Variants in SYNE2 observed in about 807,000 individuals in gnomAD.
The protein encoded by SYNE2 is nesprin-2.
A neutral mutation model predicts 856.3 loss-of-function variants in SYNE2; 431 were observed. The ratio of observed to expected loss-of-function variants is 0.50; its 90% confidence interval spans 0.47 to 0.55. The LOEUF (loss-of-function observed/expected upper bound fraction) is 0.55. SYNE2 is among the 20% of genes least tolerant of loss of function. The pLI is 0.00. For missense variants in SYNE2, 8,129 were observed against 8,023.2 expected, an observed-to-expected ratio of 1.01 and a Z score of -0.50; for synonymous variants, 2,923 against 2,872.3, an observed-to-expected ratio of 1.02 and a Z score of -0.56.
At chr14:64,076,773 C>A (rs2097463796) in intron 54 of SYNE2, among the ~76,000 whole-genome samples, 1 of 136,186 alleles carries the variant, frequency 7.3e-6, no homozygotes. Context: ...AGAATACTTA[C>A]AACTTGATAA....
At chr14:63,800,238 T>C (rs1290457604) in intron 1 of SYNE2, among the ~76,000 whole-genome samples, 1 of 152,088 alleles carries the variant, frequency 6.6e-6, no homozygotes, top group East Asian at 1.9e-4. Context: ...TTGGTTTTTT[T>C]TTTGAGACGG....
chr14:64,065,299 A>G, intron 50 of SYNE2, 133 bp from the exon 51 acceptor site: 1 of 785,270 alleles, frequency 1.3e-6, no homozygotes, highest in Non-Finnish European at 2.1e-6. Context: ...GACTTCTAAA[A>G]GGATAAGAGG....
intron 6 of SYNE2, among the ~76,000 whole-genome samples, chr14:63,942,994 T>C (rs2153419530): frequency 6.6e-6 from 1 of 152,328 alleles, no homozygotes; most frequent in Non-Finnish European, 1.5e-5. Flanking sequence ...TTATCCATAA[T>C]ATCAGCACCA....
intron 1 of SYNE2, among the ~76,000 whole-genome samples, chr14:63,800,089 C>CAAAAA (rs1888074509): frequency 6.6e-6 from 1 of 152,140 alleles, no homozygotes; most frequent in Non-Finnish European, 1.5e-5. Flanking sequence ...TTCCTGTTAG[C>CAAAAA]CTGTTCATTT....
chr14:63,970,746 G>A (rs1444396214), intron 11 of SYNE2, among the ~76,000 whole-genome samples: 7 of 145,278 alleles, frequency 4.8e-5, no homozygotes, highest in African/African-American at 1.3e-4. Context: ...CTCTGCCTCC[G>A]GGTTCGAGCG....
chr14:63,982,673 C>A lies in SYNE2; in HGVS notation c.1880C>A (p.Thr627Asn), dbSNP rs1242937781. ...GCCCAGTGGAATCTAGAACACGCTA[C>A]TTTAAATGAAGCAGGAAATTTCTTA... is the stretch of plus-strand genomic sequence containing the variant. ...TLAQWNLEHA[T>N]LNEAGNFLVE... is the part of the protein sequence containing the mutation. The change falls in exon 17 of 116, where the codon ACT (threonine) becomes AAT (asparagine). Residue 627 changes from threonine to asparagine, a missense_variant. Physicochemically the swap from Thr to Asn is moderately conservative, Grantham distance 65. This residue lies in a region of SYNE2 where 2,422 missense variants were observed against 2,357.4 expected (regional missense o/e 1.03). Coordinates refer to ENST00000555002, the MANE Select transcript of SYNE2 (RefSeq NM_182914.3). 4.3e-6 allele frequency: 7 copies of A among 1,613,948 alleles called. No individual in the cohort carries two copies. The highest frequency in any genetic ancestry group is 5.9e-6 in the Non-Finnish European group (7 of 1,180,004).
chr14:64,193,684 A>C (rs937397606), intron 99 of SYNE2, among the ~76,000 whole-genome samples: 1 of 152,218 alleles, frequency 6.6e-6, no homozygotes, highest in African/African-American at 2.4e-5. Context: ...GTTTTAATTC[A>C]CTGGAGGAAA....
intron 7 of SYNE2, 85 bp from the exon 8 acceptor site, chr14:63,954,634 A>C: frequency 7.7e-7 from 1 of 1,304,764 alleles, no homozygotes; most frequent in Non-Finnish European, 1.1e-6. Context: ...TGATTTGCCA[A>C]ATTTTAATTA....
At chr14:63,950,151 C>A in intron 7 of SYNE2, 145 bp downstream of exon 7, 2 of 986,484 alleles carry the variant, frequency 2.0e-6, no homozygotes, top group East Asian at 2.5e-5. Flanking sequence ...CGTGGAAGCC[C>A]AAGAGCTCAG....
chr14:63,913,837 T>TTTTTTAAATTTAATTTAATTTTAAG (rs2095503561), intron 2 of SYNE2, among the ~76,000 whole-genome samples: 1 of 145,722 alleles, frequency 6.9e-6, no homozygotes, highest in Non-Finnish European at 1.5e-5. Flanking sequence ...CTGTTTAAAA[T>TTTTTTAAATTTAATTTAATTTTAAG]TTTTTAAATT....
rs534146698 is a variant in SYNE2, at chr14:63,864,074, A to G, written c.-52+10931A>G. Among the ~76,000 whole-genome samples, 53 of 152,294 alleles carry G rather than the reference A, an allele frequency of 3.5e-4. 1 individual carries two copies. The South Asian group carries it at 5.0e-3, about 14-fold the overall frequency. ...GTGATCCACCCGCCTCAGCCTCCCA[A>G]AGTGCTGGGATTACAGGTGTGAGCC... On this transcript the variant is annotated intron_variant, in intron 1 of 115. Transcript: ENST00000555002.
chr14:63,797,078 CAAAAA>C (rs372872575), intron 1 of SYNE2, among the ~76,000 whole-genome samples: 4 of 70,364 alleles, frequency 5.7e-5, no homozygotes, highest in East Asian at 4.8e-4. Flanking sequence ...GACTTCATCT[CAAAAA>C]AAAAAAAAAA....
At chr14:64,219,096 GTT>G (rs1214967482) in intron 109 of SYNE2, 110 bp from the exon 110 acceptor site, 7 of 758,744 alleles carry the variant, frequency 9.2e-6, no homozygotes, top group East Asian at 7.6e-5. Context: ...ATCCCCTACA[GTT>G]TTTTTGTTTT....
In SYNE2 at chr14:63,941,947, C is replaced by T; in HGVS notation, c.300C>T (p.Phe100=). ...TCAATATAGAACATGCCTTGACATTCCTAAGAAACCGATCAGTAAGTATAA... is the reference window on the plus strand; with the variant it reads ...TCAATATAGAACATGCCTTGACATTTCTAAGAAACCGATCAGTAAGTATAA... ...CRINIEHALT[F]LRNRSIKLIN... The change falls in exon 5 of 116, where the codon TTC becomes TTT. Residue 100 remains phenylalanine, a synonymous_variant. Transcript: ENST00000555002. 1 of 1,612,642 alleles carries T rather than the reference C, an allele frequency of 6.2e-7. No individual in the cohort carries two copies. Among genetic ancestry groups the T allele is most frequent in the Non-Finnish European group, 8.5e-7 (1 of 1,179,554 alleles).
chr14:63,868,694 A>G (rs1417951459), intron 1 of SYNE2, among the ~76,000 whole-genome samples: 2 of 152,026 alleles, frequency 1.3e-5, no homozygotes, highest in Non-Finnish European at 2.9e-5. Context: ...TGAAAGTAAT[A>G]TGGGGAAGGG....
chr14:63,916,047 G>A (rs1010260538), intron 2 of SYNE2, among the ~76,000 whole-genome samples: 3 of 150,390 alleles, frequency 2.0e-5, no homozygotes, highest in African/African-American at 2.5e-5. Flanking sequence ...CCTTCAAGAA[G>A]CATGTAGTCT....
At chr14:64,223,934 C>G (rs1205715387) in intron 113 of SYNE2, among the ~76,000 whole-genome samples, 1 of 152,170 alleles carries the variant, frequency 6.6e-6, no homozygotes, top group Non-Finnish European at 1.5e-5. Flanking sequence ...CTCAGTCTCC[C>G]CAGCTCTGTG....
chr14:63,956,980 C>A (rs1393759901), intron 8 of SYNE2, among the ~76,000 whole-genome samples: 2 of 152,166 alleles, frequency 1.3e-5, no homozygotes, highest in South Asian at 2.1e-4. Context: ...CCCCTAACCC[C>A]CCCATGCCCC....
Position 64,087,799 on chromosome 14 carries a change from A to T in SYNE2, c.11613A>T (p.Val3871=). 6.2e-7 allele frequency: 1 copy of T among 1,613,956 alleles called. No individual in the cohort carries two copies. The highest frequency in any genetic ancestry group is 8.5e-7 in the Non-Finnish European group (1 of 1,179,862). The change falls in exon 58 of 116, where the codon GTA becomes GTT. Residue 3871 remains valine (V), a synonymous_variant. Coordinates refer to ENST00000555002, the MANE Select transcript of SYNE2 (RefSeq NM_182914.3). ...CCATACAAGAGTTAAGTAATCAAGT[A>T]ACAGCTTTACAACAAAAAATAATGG... ...TQSIQELSNQ[V]TALQQKIMES...
Sources: gnomAD v4.1 joint callset for allele counts (sites outside exome capture counted in the v4.1 genomes callset) on GRCh38, gnomAD v4.1.1 for gene constraint, gnomAD v4.1.1 regional missense constraint, MANE v1.5 for transcripts, NCBI Gene and HGNC (gene_info 2026-07-23, HGNC 2026-07-21) for gene names.